The following SETD2 variants were observed in gnomAD, a reference collection of about 807,000 sequenced individuals.
SETD2 encodes the protein histone-lysine N-methyltransferase SETD2.
SETD2 carries 31 observed loss-of-function variants against 242.1 expected under a neutral mutation model. The observed-to-expected ratio is 0.13, with a 90% CI of 0.10 to 0.17. The LOEUF is 0.17. Among genes scored for constraint, SETD2 ranks in the 10% least tolerant of loss-of-function variants. SETD2 has a pLI of 1.00. For missense variants in SETD2, 2,481 were observed against 3,046.3 expected, an observed-to-expected ratio of 0.81 and a Z score of 4.37; for synonymous variants, 1,006 against 1,066.5, an observed-to-expected ratio of 0.94 and a Z score of 1.11.
rs149707529 is a variant in SETD2, at chr3:47,074,652, G to A, written c.6061-7534C>T. Reference sequence around the variant, plus strand: ...CAAAGCTAAGAGTAGGAGCCCTCCTGATACCCAAATCATCTAGAAACACTT... The same window carrying A: ...CAAAGCTAAGAGTAGGAGCCCTCCTAATACCCAAATCATCTAGAAACACTT... On this transcript the variant is annotated intron_variant, in intron 12 of 20. Transcript: ENST00000409792. Among the ~76,000 whole-genome samples the A allele has an allele frequency of 3.6e-3, 542 of 152,222 alleles. 4 individuals carry two copies. Among genetic ancestry groups the A allele is most frequent in the African/African-American group, 0.012 (517 of 41,532 alleles).
At position 47,120,699 on chromosome 3, in the gene SETD2, G is replaced by T; in HGVS notation, c.3937C>A (p.Pro1313Thr). 6.2e-7 allele frequency: 1 copy of T among 1,614,164 alleles called. No individual in the cohort carries two copies. The highest frequency in any genetic ancestry group is 8.5e-7 in the Non-Finnish European group (1 of 1,180,038). The change falls in exon 3 of 21, where the codon CCT (proline) becomes ACT (threonine). Residue 1313 changes from proline to threonine, a missense_variant. Coordinates refer to ENST00000409792, the MANE Select transcript of SETD2 (RefSeq NM_014159.7). ...NGYWDPRSGR[P>T]PGTGVVYDRT... ...TCATACACAACCCCAGTTCCAGGAGGTCTACCTGATCTTGGATCCCAGTAA... is the reference window on the plus strand; with the variant it reads ...TCATACACAACCCCAGTTCCAGGAGTTCTACCTGATCTTGGATCCCAGTAA...
intron 14 of SETD2, among the ~76,000 whole-genome samples, chr3:47,059,412 G>A (rs912354439): frequency 4.0e-5 from 6 of 151,044 alleles, no homozygotes; most frequent in Admixed American, 6.6e-5. Flanking sequence ...CACTGCGCTC[G>A]GCCGCAAATT....
intron 1 of SETD2, among the ~76,000 whole-genome samples, chr3:47,136,632 C>A (rs928567912): frequency 6.6e-6 from 1 of 152,062 alleles, no homozygotes; most frequent in Non-Finnish European, 1.5e-5. Context: ...ACTTGGGGCT[C>A]CAAAAGATAG....
At position 47,062,158 on chromosome 3, in the gene SETD2, C is replaced by T. The variant is rs2040360763; in HGVS notation, c.6293+5G>A. 6.2e-7 allele frequency: 1 copy of T among 1,612,052 alleles called. No individual in the cohort carries two copies. Among genetic ancestry groups the T allele is most frequent in the Non-Finnish European group, 8.5e-7 (1 of 1,179,466 alleles). On this transcript the variant is annotated splice_donor_5th_base_variant and intron_variant, in intron 14 of 20. Transcript: ENST00000409792. ...AAAACAAAAAAACTCACACAGGCCA[C>T]TTACCTGTCATCTGGCCTTTTTGTT...
At position 47,148,604 on chromosome 3, in the gene SETD2, T is replaced by G. The variant is rs150157904; in HGVS notation, c.71+15250A>C. 5.0e-4 allele frequency among the ~76,000 whole-genome samples: 76 copies of G among 152,356 alleles called. 1 individual carries two copies. In the East Asian group the frequency reaches 0.014, roughly 29 times the overall value. On this transcript the variant is annotated intron_variant, in intron 1 of 20. Transcript: ENST00000409792. ...TCTAAAATGAGCACTGGTTTTTAAA[T>G]GAACTTCAAATAAATGCACATTTCT...
chr3:47,159,018 C>T (rs1697403553), intron 1 of SETD2, among the ~76,000 whole-genome samples: 1 of 152,058 alleles, frequency 6.6e-6, no homozygotes, highest in Admixed American at 6.6e-5. Flanking sequence ...TGGTACACAT[C>T]TATAGTTCCA....
At chr3:47,041,482 C>A in intron 17 of SETD2, 1 of 237,024 alleles carries the variant, frequency 4.2e-6, no homozygotes, top group Admixed American at 5.5e-5. Context: ...AAGACTCTGT[C>A]TCTACAAAAA....
intron 1 of SETD2, among the ~76,000 whole-genome samples, chr3:47,130,858 A>T (rs758894317): frequency 6.6e-6 from 1 of 152,202 alleles, no homozygotes; most frequent in African/African-American, 2.4e-5. Context: ...ATGGAATTAT[A>T]TATTTAAAGA....
chr3:47,131,634 C>T (rs1008057458), intron 1 of SETD2, among the ~76,000 whole-genome samples: 4 of 152,088 alleles, frequency 2.6e-5, no homozygotes, highest in Admixed American at 1.3e-4. Context: ...AGCCACTGCA[C>T]CTGGCCAAAT....
At chr3:47,135,955 C>T (rs1420581277) in intron 1 of SETD2, among the ~76,000 whole-genome samples, 1 of 152,154 alleles carries the variant, frequency 6.6e-6, no homozygotes, top group Non-Finnish European at 1.5e-5. Flanking sequence ...TAGGCTTTCA[C>T]AGACCACATT....
At chr3:47,082,271 C>T (rs947001356) in intron 12 of SETD2, among the ~76,000 whole-genome samples, 2 of 152,178 alleles carry the variant, frequency 1.3e-5, no homozygotes, top group African/African-American at 2.4e-5. Context: ...GAGACTTCTC[C>T]GGCAAAAGTA....
At chr3:47,046,060 G>A (rs1241969210) in intron 16 of SETD2, among the ~76,000 whole-genome samples, 12 of 151,966 alleles carry the variant, frequency 7.9e-5, no homozygotes, top group East Asian at 5.8e-4. Flanking sequence ...CGGGCCGGGC[G>A]TGGTGGCTCA....
intron 12 of SETD2, among the ~76,000 whole-genome samples, chr3:47,083,480 C>G (rs1017271376): frequency 6.6e-6 from 1 of 152,094 alleles, no homozygotes; most frequent in Non-Finnish European, 1.5e-5. Flanking sequence ...ACTGAACTCA[C>G]TATTGTGATG....
chr3:47,076,377 T>G (rs899210738), intron 12 of SETD2, among the ~76,000 whole-genome samples: 1 of 152,172 alleles, frequency 6.6e-6, no homozygotes, highest in Non-Finnish European at 1.5e-5. Flanking sequence ...AGTGTAATGG[T>G]GAGCCATTTA....
At position 47,150,028 on chromosome 3, in the gene SETD2, CTTTTTT is replaced by C. The variant is rs71098457; in HGVS notation, c.71+13820_71+13825del. Among the ~76,000 whole-genome samples, 8 of 92,428 alleles carry C rather than the reference CTTTTTT, an allele frequency of 8.7e-5. No individual in the cohort carries two copies. In the South Asian group the frequency reaches 2.7e-3, roughly 31 times the overall value. 60.6% of individuals were successfully genotyped at this position (92,428 alleles called of 152,430 possible). ...GTGTCTTTTGGCATATCCAAAAATA[CTTTTTT>C]TTTTTTTTTTTTTTGAGACAGAGTC... On this transcript the variant is annotated intron_variant, in intron 1 of 20. Coordinates refer to ENST00000409792, the MANE Select transcript of SETD2 (RefSeq NM_014159.7).
chr3:47,135,183 G>A (rs1318661473), intron 1 of SETD2, among the ~76,000 whole-genome samples: 1 of 152,158 alleles, frequency 6.6e-6, no homozygotes, highest in Non-Finnish European at 1.5e-5. Context: ...CCAGTAAGGT[G>A]CTTTCTTTTA....
chr3:47,100,558 GTTTTAT>G (rs2042170340), intron 8 of SETD2, among the ~76,000 whole-genome samples: 1 of 152,064 alleles, frequency 6.6e-6, no homozygotes, highest in African/African-American at 2.4e-5. Flanking sequence ...CCAGCCTGTA[GTTTTAT>G]TTTTAAGTAG....
At chr3:47,114,102 T>G in intron 4 of SETD2, 98 bp from the exon 5 acceptor site, 1 of 1,225,844 alleles carries the variant, frequency 8.2e-7, no homozygotes. Context: ...ATATACATAC[T>G]TTTATGGTAT....
intron 1 of SETD2, among the ~76,000 whole-genome samples, chr3:47,160,392 C>T (rs1697455463): frequency 6.6e-6 from 1 of 152,044 alleles, no homozygotes; most frequent in Non-Finnish European, 1.5e-5. Flanking sequence ...ACCTCCGCCT[C>T]CAGGTTCAAG....
Sources: gnomAD v4.1 joint callset for allele counts (sites outside exome capture counted in the v4.1 genomes callset) on GRCh38, gnomAD v4.1.1 for gene constraint, MANE v1.5 for transcripts, NCBI Gene and HGNC (gene_info 2026-07-23, HGNC 2026-07-21) for gene names.